PIP5K1B: variants seen among roughly 807,000 people sequenced by gnomAD.
PIP5K1B encodes phosphatidylinositol 4-phosphate 5-kinase type-1 beta.
In PIP5K1B, 42 loss-of-function variants were observed where a neutral mutation model predicts 67.0. The ratio of observed to expected loss-of-function variants is 0.63; its 90% confidence interval spans 0.49 to 0.81. The LOEUF (loss-of-function observed/expected upper bound fraction) is 0.81. Among genes scored for constraint, PIP5K1B ranks in the 30% least tolerant of loss-of-function variants. The pLI is 0.00. For missense variants in PIP5K1B, 459 were observed against 646.3 expected (o/e 0.71, Z 3.14); for synonymous variants, 214 against 231.4 (o/e 0.92, Z 0.68).
chr9:68,759,909 T>G (rs1830110655), intron 2 of PIP5K1B, among the ~76,000 whole-genome samples: 1 of 152,110 alleles, frequency 6.6e-6, no homozygotes, highest in Non-Finnish European at 1.5e-5. Flanking sequence ...TGGCTTACAT[T>G]AAAATTTCCA....
intron 2 of PIP5K1B, among the ~76,000 whole-genome samples, chr9:68,765,463 T>C (rs1830383114): frequency 3.3e-5 from 5 of 152,166 alleles, no homozygotes; most frequent in African/African-American, 1.2e-4. Context: ...AAAATGGTCG[T>C]TCTCTTGTCT....
intron 2 of PIP5K1B, among the ~76,000 whole-genome samples, chr9:68,759,124 A>C (rs908990413): frequency 1.3e-5 from 2 of 152,144 alleles, no homozygotes; most frequent in African/African-American, 4.8e-5. Flanking sequence ...ATGATGCCAG[A>C]AAAGAATTTA....
At chr9:68,993,988 G>A (rs932067555) in intron 15 of PIP5K1B, among the ~76,000 whole-genome samples, 3 of 150,100 alleles carry the variant, frequency 2.0e-5, no homozygotes, top group African/African-American at 7.3e-5. Flanking sequence ...GAATGAGGGG[G>A]TTTTATTGAG....
At chr9:68,919,255 A>G (rs914023121) in intron 9 of PIP5K1B, among the ~76,000 whole-genome samples, 1 of 152,206 alleles carries the variant, frequency 6.6e-6, no homozygotes, top group Non-Finnish European at 1.5e-5. Flanking sequence ...TCTCCTTTGT[A>G]GGGAAGTATT....
chr9:68,993,102 C>A (rs1358962726), intron 15 of PIP5K1B, among the ~76,000 whole-genome samples: 8 of 151,672 alleles, frequency 5.3e-5, no homozygotes, highest in Non-Finnish European at 7.4e-5. Context: ...GCGGAGCTTG[C>A]GGTGAGCCGA....
chr9:69,006,193 G>C (rs1460114808), intron 15 of PIP5K1B, among the ~76,000 whole-genome samples: 1 of 151,778 alleles, frequency 6.6e-6, no homozygotes, highest in Non-Finnish European at 1.5e-5. Flanking sequence ...TTTTACTCCG[G>C]TTAAAAAGCA....
intron 15 of PIP5K1B, among the ~76,000 whole-genome samples, chr9:68,992,116 C>T (rs1163951382): frequency 1.3e-5 from 2 of 152,080 alleles, no homozygotes; most frequent in African/African-American, 4.8e-5. Context: ...CAGGCATGTG[C>T]CACCACGCCT....
chr9:68,794,865 T>C (rs1832200105), intron 2 of PIP5K1B, among the ~76,000 whole-genome samples: 1 of 152,194 alleles, frequency 6.6e-6, no homozygotes, highest in Non-Finnish European at 1.5e-5. Flanking sequence ...TTCCTTCTAA[T>C]CATAGAATAT....
intron 4 of PIP5K1B, chr9:68,824,290 G>A (rs545944593): frequency 2.3e-4 from 120 of 516,594 alleles, no homozygotes; most frequent in African/African-American, 1.9e-3. Context: ...ATCCTTTGTC[G>A]CTGCAAAAGT....
intron 2 of PIP5K1B, among the ~76,000 whole-genome samples, chr9:68,815,995 A>G (rs570169722): frequency 9.9e-5 from 15 of 152,224 alleles, no homozygotes; most frequent in Non-Finnish European, 1.5e-4. Flanking sequence ...GAGCTATACT[A>G]TCTTTTCAAA....
At chr9:68,733,627 CTTTTTTTTTTTTTTTTTTTT>C (rs35759487) in intron 1 of PIP5K1B, among the ~76,000 whole-genome samples, 1 of 56,464 alleles carries the variant, frequency 1.8e-5, no homozygotes. Context: ...TACTTAGACT[CTTTTTTTTTTTTTTTTTTTT>C]TTTTTTTTTT....
At chr9:68,803,010 G>T (rs1311604548) in intron 2 of PIP5K1B, among the ~76,000 whole-genome samples, 3 of 152,146 alleles carry the variant, frequency 2.0e-5, no homozygotes, top group Admixed American at 2.0e-4. Context: ...GAAATGATGA[G>T]ATCTCAATTA....
chr9:68,718,316 AT>A (rs777205910), intron 1 of PIP5K1B, among the ~76,000 whole-genome samples: 1 of 152,234 alleles, frequency 6.6e-6, no homozygotes, highest in Non-Finnish European at 1.5e-5. Context: ...AACCTGGGAA[AT>A]GTCTGTATTT....
chr9:68,799,412 C>T (rs1234452786), intron 2 of PIP5K1B, among the ~76,000 whole-genome samples: 1 of 152,010 alleles, frequency 6.6e-6, no homozygotes, highest in Non-Finnish European at 1.5e-5. Context: ...CATATGGAAC[C>T]ACAAAGGAGC....
intron 15 of PIP5K1B, among the ~76,000 whole-genome samples, chr9:69,006,543 T>G (rs1447885600): frequency 6.6e-6 from 1 of 152,182 alleles, no homozygotes. Context: ...ACCTAAGCCT[T>G]TCTTCCCTGA....
chr9:68,786,713 A>G (rs1258754473), intron 2 of PIP5K1B, among the ~76,000 whole-genome samples: 1 of 152,110 alleles, frequency 6.6e-6, no homozygotes, highest in African/African-American at 2.4e-5. Flanking sequence ...TCCCTATAGC[A>G]TTAATTTTAT....
At chr9:68,766,117 A>T (rs1275521267) in intron 2 of PIP5K1B, among the ~76,000 whole-genome samples, 1 of 152,180 alleles carries the variant, frequency 6.6e-6, no homozygotes, top group East Asian at 1.9e-4. Context: ...AGATGGCATA[A>T]TATGGTAAGG....
intron 2 of PIP5K1B, among the ~76,000 whole-genome samples, chr9:68,754,175 C>CTTTTTTTCTTTTTTTTTTTTTTT (rs1829793103): frequency 9.9e-6 from 1 of 101,076 alleles, no homozygotes; most frequent in African/African-American, 4.1e-5. Context: ...TCCATGATTT[C>CTTTTTTTCTTTTTTTTTTTTTTT]TTTTTTTTTT....
chr9:68,973,598 TA>T (rs765596423), intron 14 of PIP5K1B, among the ~76,000 whole-genome samples: 6 of 152,244 alleles, frequency 3.9e-5, no homozygotes, highest in Non-Finnish European at 8.8e-5. Flanking sequence ...ATAAACAGTG[TA>T]AAATTATGGG....
Sources: allele counts gnomAD v4.1 joint callset (sites outside exome capture counted in the v4.1 genomes callset), GRCh38; gene constraint gnomAD v4.1.1; transcripts MANE v1.5; gene names NCBI Gene and HGNC (gene_info 2026-07-23, HGNC 2026-07-21).